BNC2: variants seen among roughly 807,000 people sequenced by gnomAD.
BNC2 encodes basonuclin zinc finger protein 2.
A neutral mutation model predicts 76.3 loss-of-function variants in BNC2; 20 were observed. That is an observed-to-expected ratio of 0.26 (90% CI 0.18 to 0.38). The LOEUF is 0.38. Ranked by LOEUF, BNC2 falls within the 10% of genes least tolerant of loss-of-function variation. The pLI, the probability that BNC2 is intolerant of heterozygous loss-of-function variation, is 1.00. For synonymous variants in BNC2, 582 were observed against 514.8 expected (o/e 1.13, Z -1.77); for missense variants, 1,382 against 1,399.8 (o/e 0.99, Z 0.20).
At chr9:16,698,200 C>A in intron 3 of BNC2, among the ~76,000 whole-genome samples, 1 of 152,254 alleles carries the variant, frequency 6.6e-6, no homozygotes, top group East Asian at 1.9e-4. Flanking sequence ...ATTTGCCAAT[C>A]TCTCTCTTAA....
intron 5 of BNC2, among the ~76,000 whole-genome samples, chr9:16,482,540 C>T (rs550291432): frequency 1.3e-5 from 2 of 152,082 alleles, no homozygotes; most frequent in African/African-American, 2.4e-5. Context: ...AAGCTAGCAC[C>T]GATGAAGGTG....
intron 1 of BNC2, among the ~76,000 whole-genome samples, chr9:16,831,245 A>C (rs1434688371): frequency 6.6e-6 from 1 of 152,234 alleles, no homozygotes; most frequent in East Asian, 1.9e-4. Flanking sequence ...CAGATTTCCA[A>C]ATAAAATGCC....
intron 6 of BNC2, among the ~76,000 whole-genome samples, chr9:16,422,097 C>G (rs1016417753): frequency 3.9e-5 from 6 of 152,186 alleles, no homozygotes; most frequent in African/African-American, 1.2e-4. Flanking sequence ...GACACATCTT[C>G]CCTAAGATGA....
intron 3 of BNC2, among the ~76,000 whole-genome samples, chr9:16,645,989 C>T (rs888464068): frequency 6.6e-6 from 1 of 152,202 alleles, no homozygotes; most frequent in Non-Finnish European, 1.5e-5. Flanking sequence ...GACAAAGTTC[C>T]TTTCAGGTCA....
chr9:16,567,542 G>A (rs12342560), intron 4 of BNC2, among the ~76,000 whole-genome samples: 5,295 of 152,144 alleles, frequency 0.035, 300 homozygotes, highest in African/African-American at 0.12. Flanking sequence ...ATGTAAACCT[G>A]TAATTCTACA....
chr9:16,528,501 T>C (rs867807347), intron 5 of BNC2, among the ~76,000 whole-genome samples: 1 of 152,220 alleles, frequency 6.6e-6, no homozygotes, highest in South Asian at 2.1e-4. Context: ...ATGGTTTCTA[T>C]AGTTATCTAC....
intron 1 of BNC2, among the ~76,000 whole-genome samples, chr9:16,782,055 G>A (rs1021983848): frequency 2.6e-5 from 4 of 152,042 alleles, no homozygotes; most frequent in East Asian, 1.9e-4. Context: ...GGGAGGCCGA[G>A]GGGGGCGGAT....
intron 1 of BNC2, among the ~76,000 whole-genome samples, chr9:16,751,550 A>G (rs531167230): frequency 1.5e-3 from 97 of 64,178 alleles, no homozygotes; most frequent in Non-Finnish European, 1.4e-3. Flanking sequence ...AGAGTCATAA[A>G]TCATATAAAA....
intron 3 of BNC2, among the ~76,000 whole-genome samples, chr9:16,636,856 A>C (rs1334658174): frequency 6.6e-6 from 1 of 152,144 alleles, no homozygotes; most frequent in Non-Finnish European, 1.5e-5. Context: ...TTAACCAATA[A>C]ACTAGAAGAG....
chr9:16,667,901 C>T (rs1309744233), intron 3 of BNC2, among the ~76,000 whole-genome samples: 1 of 152,148 alleles, frequency 6.6e-6, no homozygotes, highest in African/African-American at 2.4e-5. Context: ...AAACACTATT[C>T]AAGAACTCAA....
chr9:16,495,716 G>A (rs1479758557), intron 5 of BNC2, among the ~76,000 whole-genome samples: 1 of 152,076 alleles, frequency 6.6e-6, no homozygotes, highest in Non-Finnish European at 1.5e-5. Context: ...GGGCCCAGTG[G>A]CTGGGGCTTA....
intron 1 of BNC2, among the ~76,000 whole-genome samples, chr9:16,855,939 A>G (rs1213745440): frequency 6.6e-6 from 1 of 152,080 alleles, no homozygotes; most frequent in Non-Finnish European, 1.5e-5. Context: ...TAGTAAGTAA[A>G]CATTTACTTG....
At chr9:16,648,272 C>G (rs1472163052) in intron 3 of BNC2, among the ~76,000 whole-genome samples, 1 of 152,202 alleles carries the variant, frequency 6.6e-6, no homozygotes, top group African/African-American at 2.4e-5. Flanking sequence ...TACTGCCATA[C>G]ACTTGGCTGT....
At chr9:16,459,777 A>C (rs1306962538) in intron 5 of BNC2, among the ~76,000 whole-genome samples, 1 of 152,210 alleles carries the variant, frequency 6.6e-6, no homozygotes, top group East Asian at 1.9e-4. Flanking sequence ...GGGCTTATGC[A>C]CCTTATCAAC....
intron 1 of BNC2, among the ~76,000 whole-genome samples, chr9:16,816,358 G>A (rs781691829): frequency 5.6e-4 from 86 of 152,232 alleles, no homozygotes; most frequent in Non-Finnish European, 1.1e-3. Flanking sequence ...TGAAGGAAAC[G>A]AAGCTCAATG....
At chr9:16,766,752 C>A (rs1463779370) in intron 1 of BNC2, among the ~76,000 whole-genome samples, 2 of 152,184 alleles carry the variant, frequency 1.3e-5, no homozygotes, top group Admixed American at 6.5e-5. Flanking sequence ...TTGGAATCAT[C>A]AAATGGCCAG....
At chr9:16,513,735 G>A (rs982454936) in intron 5 of BNC2, among the ~76,000 whole-genome samples, 3 of 152,144 alleles carry the variant, frequency 2.0e-5, no homozygotes, top group African/African-American at 7.2e-5. Flanking sequence ...GTCCATAGTC[G>A]GGAAGGACCG....
At chr9:16,857,837 T>A (rs1434841792) in intron 1 of BNC2, among the ~76,000 whole-genome samples, 3 of 152,220 alleles carry the variant, frequency 2.0e-5, no homozygotes, top group Admixed American at 2.0e-4. Context: ...TTAGCATGAA[T>A]AAAGAGAAAA....
intron 6 of BNC2, chr9:16,434,904 C>G (rs1820974006): frequency 2.1e-6 from 1 of 465,678 alleles, no homozygotes; most frequent in Non-Finnish European, 4.4e-6. Flanking sequence ...AAGAAACCCA[C>G]ACGACCATAC....
Sources: allele counts gnomAD v4.1 joint callset (sites outside exome capture counted in the v4.1 genomes callset), GRCh38; gene constraint gnomAD v4.1.1; transcripts MANE v1.5; gene names NCBI Gene and HGNC (gene_info 2026-07-23, HGNC 2026-07-21).